The following KIAA0825 variants were observed in gnomAD, a reference collection of about 807,000 sequenced individuals.
KIAA0825 encodes uncharacterized protein KIAA0825.
In KIAA0825, 119 loss-of-function variants were observed where a neutral mutation model predicts 147.6. That is an observed-to-expected ratio of 0.81 (90% confidence interval 0.69 to 0.94). The LOEUF is 0.94. Among genes scored for constraint, KIAA0825 ranks in the 40% least tolerant of loss-of-function variants. KIAA0825 has a pLI of 0.00. For synonymous variants in KIAA0825, 470 were observed against 518.1 expected, an observed-to-expected ratio of 0.91 and a Z score of 1.26; for missense variants, 1,381 against 1,472.7, an observed-to-expected ratio of 0.94 and a Z score of 1.02.
rs145576992 is a variant in KIAA0825 at position 94,306,138 on chromosome 5, A to G, written c.3710+78230T>C. On this transcript the variant is annotated intron_variant, in intron 20 of 20. Transcript: ENST00000682413. ...TAAAATAACTACATATAAAATAGCT[A>G]TGGCCACCTGACTGGTTTTTACATA... 2.8e-3 allele frequency among the ~76,000 whole-genome samples: 429 copies of G among 151,986 alleles called. 1 individual carries two copies. Among genetic ancestry groups the G allele is most frequent in the African/African-American group, 9.7e-3 (402 of 41,514 alleles).
chr5:94,425,593 A>G (rs755069081), intron 14 of KIAA0825, among the ~76,000 whole-genome samples: 2 of 152,122 alleles, frequency 1.3e-5, no homozygotes, highest in Non-Finnish European at 2.9e-5. Context: ...CCTAGGCAAC[A>G]GAGTGAGACC....
chr5:94,426,036 T>C (rs954541221), intron 14 of KIAA0825, among the ~76,000 whole-genome samples: 1 of 149,618 alleles, frequency 6.7e-6, no homozygotes, highest in Admixed American at 6.7e-5. Flanking sequence ...TTATTATCAT[T>C]ATTATTATTA....
At chr5:94,212,335 T>G (rs1488336644) in intron 20 of KIAA0825, among the ~76,000 whole-genome samples, 1 of 152,194 alleles carries the variant, frequency 6.6e-6, no homozygotes, top group African/African-American at 2.4e-5. Flanking sequence ...ATGGAAAATG[T>G]TCAATGTCAA....
intron 6 of KIAA0825, among the ~76,000 whole-genome samples, chr5:94,478,974 A>G (rs1762199247): frequency 6.6e-6 from 1 of 152,170 alleles, no homozygotes; most frequent in Non-Finnish European, 1.5e-5. Flanking sequence ...TTACAAAAAA[A>G]TTGAGCAGAA....
At chr5:94,461,107 C>G (rs990676714) in intron 12 of KIAA0825, among the ~76,000 whole-genome samples, 8 of 151,756 alleles carry the variant, frequency 5.3e-5, no homozygotes, top group Non-Finnish European at 1.2e-4. Context: ...AAAAATGTAT[C>G]AAAAAGCCAT....
chr5:94,240,182 T>C (rs759875852), intron 20 of KIAA0825, among the ~76,000 whole-genome samples: 2 of 152,238 alleles, frequency 1.3e-5, no homozygotes, highest in Non-Finnish European at 2.9e-5. Flanking sequence ...GTTGTTTAAC[T>C]TTCAAAACTC....
At chr5:94,546,120 A>C (rs773955247) in intron 2 of KIAA0825, among the ~76,000 whole-genome samples, 11 of 152,118 alleles carry the variant, frequency 7.2e-5, no homozygotes, top group Non-Finnish European at 1.3e-4. Flanking sequence ...CCACAGAGTG[A>C]GGCTCCTCTG....
At chr5:94,223,680 G>A (rs1192714410) in intron 20 of KIAA0825, among the ~76,000 whole-genome samples, 1 of 152,142 alleles carries the variant, frequency 6.6e-6, no homozygotes, top group Middle Eastern at 3.2e-3. Context: ...TCCAGAAGGT[G>A]TTATAAAAGG....
chr5:94,551,570 T>C (rs1775545854), intron 2 of KIAA0825, among the ~76,000 whole-genome samples: 2 of 151,948 alleles, frequency 1.3e-5, no homozygotes, highest in South Asian at 4.1e-4. Flanking sequence ...ATATTAAAAA[T>C]ATTGAAAGAA....
chr5:94,588,294 C>G (rs1433273673), intron 1 of KIAA0825, among the ~76,000 whole-genome samples: 1 of 152,134 alleles, frequency 6.6e-6, no homozygotes, highest in Admixed American at 6.5e-5. Flanking sequence ...ATCTACTCAT[C>G]TGACAAAGGG....
At chr5:94,399,343 G>C (rs1160362380) in intron 16 of KIAA0825, among the ~76,000 whole-genome samples, 1 of 152,106 alleles carries the variant, frequency 6.6e-6, no homozygotes, top group Non-Finnish European at 1.5e-5. Flanking sequence ...TTTGACTACA[G>C]ATACTGAGCA....
intron 12 of KIAA0825, among the ~76,000 whole-genome samples, chr5:94,457,721 C>T (rs1304965038): frequency 6.6e-6 from 1 of 152,208 alleles, no homozygotes. Context: ...CAATGCACAT[C>T]AAAAGTGAGA....
intron 1 of KIAA0825, among the ~76,000 whole-genome samples, chr5:94,611,522 G>T (rs1330013389): frequency 3.3e-5 from 5 of 151,764 alleles, no homozygotes; most frequent in African/African-American, 1.2e-4. Flanking sequence ...AAGGTGGTGG[G>T]GGCTGGGGGG....
chr5:94,546,524 AG>A (rs1774411002), intron 2 of KIAA0825, among the ~76,000 whole-genome samples: 1 of 144,982 alleles, frequency 6.9e-6, no homozygotes, highest in Admixed American at 6.9e-5. Context: ...GCACAGAGAG[AG>A]AGAGAGAGAG....
intron 20 of KIAA0825, among the ~76,000 whole-genome samples, chr5:94,299,383 A>G (rs929468848): frequency 6.7e-6 from 1 of 150,300 alleles, no homozygotes; most frequent in Non-Finnish European, 1.5e-5. Flanking sequence ...CGCTTGGGTA[A>G]TTTACTTTTT....
Position 94,396,159 on chromosome 5 carries a change from G to A in KIAA0825, c.3238C>T (p.Gln1080Ter). Reference protein sequence around the residue: ...IQKVIQSIEQQKPNWIERQLL... With the variant: ...IQKVIQSIEQ ...TGACGTTCAATCCAGTTGGGCTTCTGCTGCTCAATGCTCTGTATGACCTTT... is the reference window on the plus strand; with the variant it reads ...TGACGTTCAATCCAGTTGGGCTTCTACTGCTCAATGCTCTGTATGACCTTT... The change falls in exon 17 of 21, where the codon CAG becomes TAG. Residue 1080 changes from glutamine to a stop codon, truncating the protein, a stop_gained. Transcript: ENST00000682413. LOFTEE classifies it high-confidence loss of function. 2 of 1,539,066 alleles carry A rather than the reference G, an allele frequency of 1.3e-6. No homozygotes were observed. The highest frequency in any genetic ancestry group is 1.7e-6 in the Non-Finnish European group (2 of 1,142,874).
chr5:94,384,300 TAC>T (rs764499954), intron 20 of KIAA0825, 66 bp downstream of exon 20: 810 of 1,106,460 alleles, frequency 7.3e-4, no homozygotes, highest in Non-Finnish European at 9.0e-4. Context: ...TGTACGTGTA[TAC>T]ACACACACAC....
At chr5:94,235,095 A>C (rs1019597749) in intron 20 of KIAA0825, among the ~76,000 whole-genome samples, 7 of 152,190 alleles carry the variant, frequency 4.6e-5, no homozygotes, top group African/African-American at 1.7e-4. Flanking sequence ...CAAGTAAAGG[A>C]AGAGCTGCAC....
At chr5:94,536,928 T>C (rs1291684480) in intron 3 of KIAA0825, 68 bp downstream of exon 3, 18 of 1,115,230 alleles carry the variant, frequency 1.6e-5, no homozygotes, top group East Asian at 2.4e-5. Flanking sequence ...AGGATACAAA[T>C]AGACCAGGTA....
Sources: allele counts gnomAD v4.1 joint callset (sites outside exome capture counted in the v4.1 genomes callset), GRCh38; gene constraint gnomAD v4.1.1; transcripts MANE v1.5; gene names NCBI Gene and HGNC (gene_info 2026-07-23, HGNC 2026-07-21).